NPDC1: variants seen among roughly 807,000 people sequenced by gnomAD.
The protein encoded by NPDC1 is neural proliferation, differentiation and control 1, also known as neural proliferation differentiation and control protein 1.
NPDC1 carries 18 observed loss-of-function variants against 32.5 expected under a neutral mutation model. The observed-to-expected ratio is 0.55, with a 90% CI of 0.38 to 0.82. The LOEUF (loss-of-function observed/expected upper bound fraction) is 0.82. Ranked by LOEUF, NPDC1 falls within the 40% of genes least tolerant of loss-of-function variation. The pLI is 0.00. For synonymous variants in NPDC1, 210 were observed against 184.7 expected, an observed-to-expected ratio of 1.14 and a Z score of -1.11; for missense variants, 468 against 406.6, an observed-to-expected ratio of 1.15 and a Z score of -1.30.
chr9:137,043,751 T>C, intron 1 of NPDC1: 2 of 255,656 alleles, frequency 7.8e-6, no homozygotes, highest in Non-Finnish European at 1.5e-5. Flanking sequence ...GAGGCCGAGG[T>C]TGGCAGTGCT....
chr9:137,040,101 G>A (rs552593369), intron 7 of NPDC1, 34 bp from the exon 8 acceptor site: 20 of 768,420 alleles, frequency 2.6e-5, no homozygotes, highest in Non-Finnish European at 4.8e-5. Context: ...TCCTCCCCAT[G>A]CCCTCGAGGT....
chr9:137,040,822 A>G lies in NPDC1; in HGVS notation c.548T>C (p.Leu183Pro). 3 of 1,594,374 alleles carry G rather than the reference A, an allele frequency of 1.9e-6. No homozygotes were observed. Among genetic ancestry groups the G allele is most frequent in the Non-Finnish European group, 2.6e-6 (3 of 1,174,782 alleles). ...CCCCGACCAAGACCTACCAAGGGCG[A>G]GGCCGTCGCCTTGCCCTCCCCGGGG... ...LEPRGGQGDGLALVLILAFCV... is the reference protein window; with the variant it reads ...LEPRGGQGDGPALVLILAFCV... The change falls in exon 4 of 9, where the codon CTC (leucine) becomes CCC (proline). Residue 183 changes from leucine (L) to proline (P), a missense_variant. Physicochemically the swap from Leu to Pro is moderately conservative, Grantham distance 98. Coordinates refer to ENST00000371601, the MANE Select transcript of NPDC1 (RefSeq NM_015392.4).
intron 2 of NPDC1, among the ~76,000 whole-genome samples, chr9:137,041,606 G>A (rs979072475): frequency 3.3e-5 from 5 of 152,200 alleles, no homozygotes; most frequent in Non-Finnish European, 7.3e-5. Context: ...CAGGTCATTG[G>A]GAGAACGGGG....
At chr9:137,042,450 G>A (rs1223882058) in intron 2 of NPDC1, among the ~76,000 whole-genome samples, 2 of 151,976 alleles carry the variant, frequency 1.3e-5, no homozygotes, top group Non-Finnish European at 1.5e-5. Context: ...GTACAGATGG[G>A]GTTTCACCGT....
Position 137,040,634 on chromosome 9 carries a change from G to A in NPDC1, c.624-36C>T, listed in dbSNP as rs753181818. ...TGGGGCCTGAGACCTCTGAGCGTGTGGCACCCTCCCTGCCCTGCCCGCGGC... is the reference window on the plus strand; with the variant it reads ...TGGGGCCTGAGACCTCTGAGCGTGTAGCACCCTCCCTGCCCTGCCCGCGGC... On this transcript the variant is annotated intron_variant, in intron 5 of 8. Transcript: ENST00000371601. The A allele has an allele frequency of 5.7e-5, 89 of 1,562,412 alleles. No homozygotes were observed. The East Asian group carries it at 2.0e-3, about 34-fold the overall frequency.
intron 2 of NPDC1, among the ~76,000 whole-genome samples, chr9:137,041,420 G>C (rs1002397967): frequency 1.3e-5 from 2 of 152,174 alleles, no homozygotes; most frequent in African/African-American, 4.8e-5. Context: ...AACGTCCAAA[G>C]ACCGGGCACG....
chr9:137,040,778 C>A, intron 4 of NPDC1, 36 bp downstream of exon 4: 1 of 1,583,108 alleles, frequency 6.3e-7, no homozygotes, highest in Non-Finnish European at 8.5e-7. Context: ...CTGCAGGGCG[C>A]CCTGCTGCCC....
rs575899765 is a variant in NPDC1, at chr9:137,044,687, G to A, written c.112+1191C>T. Among the ~76,000 whole-genome samples, 47 of 152,358 alleles carry A rather than the reference G, an allele frequency of 3.1e-4. 1 individual carries two copies. The highest frequency in any genetic ancestry group is 1.0e-3 in the African/African-American group (42 of 41,582). On this transcript the variant is annotated intron_variant, in intron 1 of 8. Transcript: ENST00000371601. ...GAGTTGCCTAGGGAGGGCCCTGCCAGGTCTCCCGGTGAGGCAGACACGAAG... is the reference window on the plus strand; with the variant it reads ...GAGTTGCCTAGGGAGGGCCCTGCCAAGTCTCCCGGTGAGGCAGACACGAAG...
chr9:137,040,181 AG>A, intron 7 of NPDC1, 114 bp from the exon 8 acceptor site: 1 of 699,682 alleles, frequency 1.4e-6, no homozygotes, highest in Non-Finnish European at 2.5e-6. Context: ...AGCACAGCCC[AG>A]GGTGAAGTTG....
In NPDC1 at chr9:137,046,012, A is replaced by G; in HGVS notation, c.-23T>C. 8.4e-7 allele frequency: 1 copy of G among 1,184,438 alleles called. No homozygotes were observed. The highest frequency in any genetic ancestry group is 4.2e-5 in the South Asian group (1 of 23,874). The allele number at this position is 1,184,438 out of a possible 1,614,324, so 73.4% of individuals were successfully genotyped here. ...CATCCTTCAGCGCCGCCGCCGGGGC[A>G]GCATGGCACCGCGAGGCCAGGGGCT... On this transcript the variant is annotated 5_prime_UTR_variant, in exon 1 of 9. Coordinates refer to ENST00000371601, the MANE Select transcript of NPDC1 (RefSeq NM_015392.4).
chr9:137,044,993 G>A (rs1456779997), intron 1 of NPDC1, among the ~76,000 whole-genome samples: 1 of 152,216 alleles, frequency 6.6e-6, no homozygotes, highest in East Asian at 1.9e-4. Flanking sequence ...TCCATGCCTC[G>A]GATTCCTTGC....
At position 137,040,221 on chromosome 9, in the gene NPDC1, G is replaced by A. The variant is rs531375985; in HGVS notation, c.788+136C>T. ...AGGGGAGGTGAGGGTGCAGGGCGGC[G>A]GGGGAGGTGAAGGTTAGCGTGCAGG... On this transcript the variant is annotated intron_variant, in intron 7 of 8. Transcript: ENST00000371601. The A allele has an allele frequency of 6.1e-4, 509 of 832,528 alleles. 4 individuals carry two copies. In the African/African-American group the frequency reaches 7.8e-3, roughly 13 times the overall value. The allele number at this position is 832,528 out of a possible 1,614,324, so 51.6% of individuals were successfully genotyped here.
intron 2 of NPDC1, among the ~76,000 whole-genome samples, chr9:137,042,082 C>T (rs1042592910): frequency 1.3e-5 from 2 of 152,228 alleles, no homozygotes; most frequent in Non-Finnish European, 2.9e-5. Flanking sequence ...ATCGTGCAGC[C>T]CTTCTCCTGG....
Position 137,042,993 on chromosome 9 carries a change from G to A in NPDC1, c.193C>T (p.Pro65Ser). The A allele has an allele frequency of 6.2e-7, 1 of 1,612,874 alleles. No individual in the cohort carries two copies. The highest frequency in any genetic ancestry group is 1.1e-5 in the South Asian group (1 of 91,078). ...TCCTCCTGGAAGGGCTGAAGGCAGG[G>A]CCCACAGGCATGTGCACCAGGAGGA... Reference protein sequence around the residue: ...RCPPGAHACGPCLQPFQEDQQ... With the variant: ...RCPPGAHACGSCLQPFQEDQQ... The change falls in exon 2 of 9, where the codon CCC becomes TCC. Residue 65 changes from proline (P) to serine (S), a missense_variant. By Grantham distance (74) the Pro-to-Ser change is moderately conservative. Transcript: ENST00000371601.
intron 1 of NPDC1, 48 bp from the exon 2 acceptor site, chr9:137,043,121 C>T (rs752034422): frequency 1.8e-5 from 29 of 1,598,018 alleles, no homozygotes; most frequent in East Asian, 1.6e-4. Flanking sequence ...CCGCAGGGCT[C>T]GGCCCCTGCA....
chr9:137,041,676 A>G (rs949271657), intron 2 of NPDC1, among the ~76,000 whole-genome samples: 1 of 151,980 alleles, frequency 6.6e-6, no homozygotes, highest in South Asian at 2.1e-4. Context: ...TGGGCTGCAC[A>G]GTCTGGGTGG....
chr9:137,045,658 C>T (rs971738141), intron 1 of NPDC1, among the ~76,000 whole-genome samples: 12 of 152,208 alleles, frequency 7.9e-5, no homozygotes, highest in African/African-American at 2.9e-4. Flanking sequence ...CCGGCAGAAG[C>T]CCCATCCGGC....
At chr9:137,045,645 G>C (rs1334313978) in intron 1 of NPDC1, among the ~76,000 whole-genome samples, 1 of 152,224 alleles carries the variant, frequency 6.6e-6, no homozygotes, top group African/African-American at 2.4e-5. Context: ...ACGCCTCTGG[G>C]AACCGGCAGA....
rs775944098 is a variant in NPDC1 at position 137,040,390 on chromosome 9, T to C, written c.755A>G (p.Gln252Arg). The C allele has an allele frequency of 2.6e-6, 4 of 1,547,460 alleles. No individual in the cohort carries two copies. Among genetic ancestry groups the C allele is most frequent in the Non-Finnish European group, 3.5e-6 (4 of 1,146,932 alleles). ...LAQSAEMYHY[Q>R]HQRQQMLCLE... ...GCACAGCATCTGTTGCCGTTGGTGC[T>C]GGTAGTGGTACATCTCCGCGCTCTG... The change falls in exon 7 of 9, where the codon CAG becomes CGG. Residue 252 changes from glutamine (Q) to arginine (R), a missense_variant. By Grantham distance (43) the Gln-to-Arg change is conservative. Coordinates refer to ENST00000371601, the MANE Select transcript of NPDC1 (RefSeq NM_015392.4).
Sources: allele counts gnomAD v4.1 joint callset (sites outside exome capture counted in the v4.1 genomes callset), GRCh38; gene constraint gnomAD v4.1.1; transcripts MANE v1.5; gene names NCBI Gene and HGNC (gene_info 2026-07-23, HGNC 2026-07-21).